Variants in HDAC6 observed in about 807,000 individuals in gnomAD.
HDAC6 encodes the protein histone deacetylase 6.
In HDAC6, 5 loss-of-function variants were observed where a neutral mutation model predicts 88.9. That is an observed-to-expected ratio of 0.06 (90% CI 0.03 to 0.12). HDAC6 has a LOEUF of 0.12. Among genes scored for constraint, HDAC6 ranks in the 10% least tolerant of loss-of-function variants. The probability of loss-of-function intolerance (pLI) is 1.00; values close to 1 mark genes in which losing one functional copy is unlikely to be tolerated. For synonymous variants in HDAC6, 378 were observed against 398.0 expected (o/e 0.95, Z 0.60); for missense variants, 706 against 1,014.4 (o/e 0.70, Z 4.13).
At chrX:48,804,921 G>T (rs1474206558) in intron 4 of HDAC6, among the ~76,000 whole-genome samples, 1 of 109,262 alleles carries the variant, frequency 9.2e-6, no homozygotes, top group African/African-American at 3.3e-5. Flanking sequence ...GGCGGGGGTG[G>T]GGGGGCCAGC....
chrX:48,803,263 C>A, intron 4 of HDAC6, 47 bp downstream of exon 4: 3 of 937,785 alleles, frequency 3.2e-6, no homozygotes, highest in Non-Finnish European at 4.6e-6. Flanking sequence ...AAAATACACA[C>A]ACTTAGAGCC....
At position 48,806,716 on chromosome X, in the gene HDAC6, T is replaced by G; in HGVS notation, c.632+10T>G. On this transcript the variant is annotated intron_variant, in intron 8 of 28. Coordinates refer to ENST00000334136, the MANE Select transcript of HDAC6 (RefSeq NM_006044.4). ...GCATGGCCATCATTAGGTAGGACTCTACAGCATTTGACTTTTTACATTGTT... is the reference window on the plus strand; with the variant it reads ...GCATGGCCATCATTAGGTAGGACTCGACAGCATTTGACTTTTTACATTGTT... 1.8e-6 allele frequency: 2 copies of G among 1,109,120 alleles called. No individual in the cohort carries two copies. The highest frequency in any genetic ancestry group is 2.5e-6 in the Non-Finnish European group (2 of 808,660). The allele number at this position is 1,109,120 out of a possible 1,213,427, so 91.4% of individuals were successfully genotyped here. A position where few individuals can be genotyped will look rare whatever the true frequency, so the allele number is the denominator to read the frequency against.
chrX:48,805,311 A>G, intron 4 of HDAC6, 127 bp from the exon 5 acceptor site: 1 of 495,413 alleles, frequency 2.0e-6, no homozygotes, highest in Non-Finnish European at 3.6e-6. Flanking sequence ...AGCTGATGGG[A>G]GGCAGGACTG....
In HDAC6 at chrX:48,822,735, C is replaced by T. The variant is rs2045267984; in HGVS notation, c.2453C>T (p.Ala818Val). 8.3e-7 allele frequency: 1 copy of T among 1,208,014 alleles called. No homozygotes were observed. Among genetic ancestry groups the T allele is most frequent in the Non-Finnish European group, 1.1e-6 (1 of 893,846 alleles). Reference protein sequence around the residue: ...LPRPPLSGALASITETIQVHR... With the variant: ...LPRPPLSGALVSITETIQVHR... ...CGGCCCCCACTATCAGGGGCCCTGG[C>T]CTCAATCACTGAGACCATCCAAGTC... Residue 818 changes from alanine to valine, a missense_variant, in exon 24 of 29, where the codon GCC becomes GTC. This residue lies in a region of HDAC6 where 138 missense variants were observed against 303.5 expected (regional missense o/e 0.45). Coordinates refer to ENST00000334136, the MANE Select transcript of HDAC6 (RefSeq NM_006044.4).
At chrX:48,810,494 G>A (rs1407390097) in intron 10 of HDAC6, 1 of 111,617 alleles carries the variant, frequency 9.0e-6, no homozygotes, top group Admixed American at 9.5e-5. Context: ...TTAGATCTTT[G>A]ATAATTTCTT....
At chrX:48,822,040 A>T (rs1318408706) in intron 23 of HDAC6, among the ~76,000 whole-genome samples, 1 of 111,725 alleles carries the variant, frequency 9.0e-6, no homozygotes, top group African/African-American at 3.3e-5. Context: ...CAGTTTCTTT[A>T]TCTGTAAAAA....
upstream of HDAC6, chrX:48,801,927 C>T (rs1557022426): frequency 1.0e-6 from 1 of 971,730 alleles, no homozygotes; most frequent in Admixed American, 3.0e-5. Flanking sequence ...AAAGGGGCTG[C>T]GTCCAATGAG....
intron 23 of HDAC6, among the ~76,000 whole-genome samples, chrX:48,821,742 A>T (rs1310105134): frequency 9.0e-6 from 1 of 111,084 alleles, no homozygotes; most frequent in Non-Finnish European, 1.9e-5. Flanking sequence ...TCCTGACCTC[A>T]GGTAACCTTC....
rs1557030948 is a variant in HDAC6 at position 48,823,382 on chromosome X, T to G, written c.2983T>G (p.Ser995Ala). The G allele has an allele frequency of 8.3e-7, 1 of 1,207,119 alleles. No individual in the cohort carries two copies. Among genetic ancestry groups the G allele is most frequent in the African/African-American group, 1.8e-5 (1 of 57,010 alleles). ...VGGATLAQTTSEAAMEGATLD... is the reference protein window; with the variant it reads ...VGGATLAQTTAEAAMEGATLD... ...AGGAGCTACACTGGCCCAGACCACC[T>G]CGGAGGCAGCCATGGAGGGAGCCAC... The change falls in exon 25 of 29, where the codon TCG (serine) becomes GCG (alanine). Residue 995 changes from serine (S) to alanine (A), a missense_variant. By Grantham distance (99) the Ser-to-Ala change is moderately conservative (BLOSUM62 1). This residue lies in a region of HDAC6 where 13 missense variants were observed against 33.4 expected (regional missense o/e 0.39). Coordinates refer to ENST00000334136, the MANE Select transcript of HDAC6 (RefSeq NM_006044.4).
chrX:48,822,335 G>A (rs1489949379), intron 23 of HDAC6, among the ~76,000 whole-genome samples: 1 of 111,992 alleles, frequency 8.9e-6, no homozygotes, highest in Non-Finnish European at 1.9e-5. Flanking sequence ...ACTTAAAATC[G>A]GGTCTGGCAC....
At chrX:48,803,501 G>A (rs782338585) in intron 4 of HDAC6, 1 of 306,972 alleles carries the variant, frequency 3.3e-6, no homozygotes, top group South Asian at 5.2e-5. Flanking sequence ...ACAGCCAACA[G>A]CAGTATGAGG....
chrX:48,805,441 C>T lies in HDAC6; in HGVS notation c.315C>T (p.Phe105=). The change falls in exon 5 of 29, where the codon TTC becomes TTT. Residue 105 remains phenylalanine (F), a synonymous_variant. Coordinates refer to ENST00000334136, the MANE Select transcript of HDAC6 (RefSeq NM_006044.4). ...GACTGTGACTCCATCTCCCCAGCTT[C>T]CCGGAAGGCCCTGAGCGGCTCCATG... ...NEFHCLWDDS[F]PEGPERLHAI... is the part of the protein sequence containing the mutation. The T allele has an allele frequency of 1.7e-6, 2 of 1,206,067 alleles. No individual in the cohort carries two copies. The highest frequency in any genetic ancestry group is 2.2e-6 in the Non-Finnish European group (2 of 891,254).
chrX:48,812,323 C>T (rs1267426284), intron 10 of HDAC6, among the ~76,000 whole-genome samples: 4 of 112,723 alleles, frequency 3.5e-5, no homozygotes, highest in East Asian at 2.8e-4. Flanking sequence ...TCTCTGAACT[C>T]CAGCAGCAGG....
chrX:48,822,801 G>A lies in HDAC6; in HGVS notation c.2512+7G>A, dbSNP rs782399618. 8.5e-7 allele frequency: 1 copy of A among 1,181,580 alleles called. No individual in the cohort carries two copies. The highest frequency in any genetic ancestry group is 1.8e-5 in the African/African-American group (1 of 55,899). ...CGCAGCTTACGGGTCATGAGTGAGT[G>A]GATTTGGGGGTGATGGGGGGAACCC... On this transcript the variant is annotated splice_region_variant and intron_variant, in intron 24 of 28. Coordinates refer to ENST00000334136, the MANE Select transcript of HDAC6 (RefSeq NM_006044.4).
chrX:48,802,853 C>T lies in HDAC6; in HGVS notation c.94-18C>T. ...GTTGGTCATGCCCTGGACTCTGACC[C>T]TTCTCTCTGATTCACAGAAGCGAAA... On this transcript the variant is annotated intron_variant, in intron 2 of 28. Coordinates refer to ENST00000334136, the MANE Select transcript of HDAC6 (RefSeq NM_006044.4). The T allele has an allele frequency of 8.3e-7, 1 of 1,208,321 alleles. No homozygotes were observed. The highest frequency in any genetic ancestry group is 1.1e-6 in the Non-Finnish European group (1 of 893,621).
Position 48,820,621 on chromosome X carries a change from A to C in HDAC6, c.2337+366A>C, listed in dbSNP as rs2063065678. Among the ~76,000 whole-genome samples the C allele has an allele frequency of 2.7e-5, 3 of 111,539 alleles. No homozygotes were observed. The South Asian group carries it at 1.1e-3, about 41-fold the overall frequency. On this transcript the variant is annotated intron_variant, in intron 23 of 28. Coordinates refer to ENST00000334136, the MANE Select transcript of HDAC6 (RefSeq NM_006044.4). ...GATGGCAGAACCAGGACTTGAACCC[A>C]TGCAGCCTGGCTCCAGGGTTTGTGC...
chrX:48,810,919 G>T (rs1256977643), intron 10 of HDAC6: 2 of 111,606 alleles, frequency 1.8e-5, no homozygotes, highest in African/African-American at 6.5e-5. Flanking sequence ...GTTGAATTAT[G>T]TATTTAGATA....
intron 1 of HDAC6, 62 bp downstream of exon 1, chrX:48,802,204 G>C (rs986203144): frequency 1.1e-6 from 1 of 874,457 alleles, no homozygotes; most frequent in Non-Finnish European, 1.4e-6. Context: ...AGTCGAAACC[G>C]GGGTCGGGGC....
At chrX:48,813,119 T>C (rs2062927638) in intron 10 of HDAC6, among the ~76,000 whole-genome samples, 1 of 112,238 alleles carries the variant, frequency 8.9e-6, no homozygotes, top group Non-Finnish European at 1.9e-5. Flanking sequence ...ATGTTGGCCA[T>C]GCTGGTCTCG....
Sources: gnomAD v4.1 joint callset for allele counts (sites outside exome capture counted in the v4.1 genomes callset) on GRCh38, gnomAD v4.1.1 for gene constraint, gnomAD v4.1.1 regional missense constraint, MANE v1.5 for transcripts, NCBI Gene and HGNC (gene_info 2026-07-23, HGNC 2026-07-21) for gene names.